Variants in LIG1 observed in about 807,000 individuals in gnomAD.
LIG1 encodes the protein DNA ligase 1.
LIG1 carries 70 observed loss-of-function variants against 115.7 expected under a neutral mutation model. That is an observed-to-expected ratio of 0.60 (90% confidence interval 0.50 to 0.74). LIG1 has a LOEUF of 0.74. Among genes scored for constraint, LIG1 ranks in the 30% least tolerant of loss-of-function variants. LIG1 has a pLI of 0.00. For missense variants in LIG1, 1,115 were observed against 1,225.6 expected, an observed-to-expected ratio of 0.91 and a Z score of 1.35; for synonymous variants, 487 against 495.3, an observed-to-expected ratio of 0.98 and a Z score of 0.22.
chr19:48,154,055 G>A, intron 5 of LIG1, 88 bp from the exon 6 acceptor site: 2 of 1,085,674 alleles, frequency 1.8e-6, no homozygotes, highest in Non-Finnish European at 2.8e-6. Context: ...TGTAGCCTCT[G>A]GAAGGCTCTG....
intron 9 of LIG1, among the ~76,000 whole-genome samples, chr19:48,146,537 G>A (rs190656): frequency 0.021 from 3,145 of 152,168 alleles, 120 homozygotes; most frequent in African/African-American, 0.071. Context: ...AAAAGTAGCC[G>A]GGCATGGTGG....
intron 24 of LIG1, chr19:48,120,196 CCA>C: frequency 1.3e-5 from 13 of 985,456 alleles, no homozygotes; most frequent in Non-Finnish European, 1.6e-5. Context: ...AACAACTTCC[CCA>C]CACAGCCACG....
intron 3 of LIG1, 111 bp downstream of exon 3, chr19:48,162,151 A>T: frequency 9.8e-7 from 1 of 1,021,974 alleles, no homozygotes; most frequent in East Asian, 2.4e-5. Flanking sequence ...CACCTGGCTG[A>T]AAAAGTTTTT....
chr19:48,158,679 G>A lies in LIG1; in HGVS notation c.244-1539C>T, dbSNP rs144179592. 5.3e-4 allele frequency among the ~76,000 whole-genome samples: 81 copies of A among 152,366 alleles called. 1 individual carries two copies. Among genetic ancestry groups the A allele is most frequent in the South Asian group, 4.6e-3 (22 of 4,830 alleles). The stretch of plus-strand genomic sequence containing the variant: ...GCACTGCATGACTGGAGGCACAGCC[G>A]GCTTGCCGGGGGCAGCTGCTGGATC... On this transcript the variant is annotated intron_variant, in intron 4 of 27. Transcript: ENST00000263274.
chr19:48,153,903 G>C lies in LIG1; in HGVS notation c.435C>G (p.Asp145Glu), dbSNP rs777733594. 7 of 1,608,000 alleles carry C rather than the reference G, an allele frequency of 4.4e-6. No individual in the cohort carries two copies. Among genetic ancestry groups the C allele is most frequent in the Non-Finnish European group, 5.9e-6 (7 of 1,177,438 alleles). ...CCTCCTTCTTCCTCTTGGCTTCTCT[G>C]TCCTCGTCCTCACTCTGCTCTTCCA... ...EVLEEQSEDE[D>E]REAKRKKEEE... is the part of the protein sequence containing the mutation. Residue 145 changes from aspartate (D) to glutamate (E), a missense_variant, in exon 6 of 28, where the codon GAC becomes GAG. Physicochemically the swap from Asp to Glu is conservative, Grantham distance 45 (BLOSUM62 2). Coordinates refer to ENST00000263274, the MANE Select transcript of LIG1 (RefSeq NM_000234.3).
intron 11 of LIG1, among the ~76,000 whole-genome samples, chr19:48,142,607 T>C (rs888975781): frequency 2.0e-5 from 3 of 151,938 alleles, no homozygotes; most frequent in Admixed American, 6.6e-5. Context: ...ACGGGTTTGA[T>C]AGTGAAGGCA....
At chr19:48,158,794 G>A (rs537299640) in intron 4 of LIG1, among the ~76,000 whole-genome samples, 2 of 152,310 alleles carry the variant, frequency 1.3e-5, no homozygotes, top group African/African-American at 4.8e-5. Flanking sequence ...CTCCCTTCCT[G>A]AAAGATCAGA....
At chr19:48,116,147 G>A in intron 26 of LIG1, 182 bp from the exon 27 acceptor site, 2 of 625,688 alleles carry the variant, frequency 3.2e-6, no homozygotes, top group Non-Finnish European at 5.8e-6. Flanking sequence ...AAGTGCTCAA[G>A]AAATGCTGCC....
rs182174085 is a variant in LIG1 at position 48,135,573 on chromosome 19, G to A, written c.1523+107C>T. 1,217 of 884,780 alleles carry A rather than the reference G, an allele frequency of 1.4e-3. 4 individuals carry two copies. Among genetic ancestry groups the A allele is most frequent in the Non-Finnish European group, 2.3e-4 (118 of 521,256 alleles). 54.8% of individuals were successfully genotyped at this position (884,780 alleles called of 1,614,324 possible). Reference sequence around the variant, plus strand: ...TCACCCCGTGACCGGCACTCGTGATGCCTGTCCGTCACTTCACTGGCCCCA... The same window carrying A: ...TCACCCCGTGACCGGCACTCGTGATACCTGTCCGTCACTTCACTGGCCCCA... On this transcript the variant is annotated intron_variant, in intron 16 of 27. Transcript: ENST00000263274.
intron 24 of LIG1, 28 bp from the exon 25 acceptor site, chr19:48,119,218 G>C (rs746908771): frequency 5.7e-6 from 9 of 1,567,984 alleles, no homozygotes; most frequent in Non-Finnish European, 7.8e-6. Flanking sequence ...GAGGTCAGAG[G>C]CTCAGCCAGC....
At chr19:48,163,407 G>A (rs1032216907) in intron 2 of LIG1, among the ~76,000 whole-genome samples, 5 of 151,934 alleles carry the variant, frequency 3.3e-5, no homozygotes, top group East Asian at 2.0e-4. Context: ...ATTTAGTAGA[G>A]AAGGGGTTTC....
At chr19:48,127,372 C>T (rs749574863) in intron 20 of LIG1, 24 bp from the exon 21 acceptor site, 4 of 1,607,326 alleles carry the variant, frequency 2.5e-6, no homozygotes, top group African/African-American at 1.3e-5. Context: ...CAACGGAGTT[C>T]GTGAGTGCAG....
chr19:48,151,215 G>C lies in LIG1; in HGVS notation c.574+17C>G. ...TCAGGAGGTGGGGCAGGGCGGAGGA[G>C]AGGACCAGAAACTCACTGGAGGTCT... is the stretch of plus-strand genomic sequence containing the variant. On this transcript the variant is annotated intron_variant, in intron 7 of 27. Transcript: ENST00000263274. 2 of 1,542,040 alleles carry C rather than the reference G, an allele frequency of 1.3e-6. No individual in the cohort carries two copies. The highest frequency in any genetic ancestry group is 2.2e-5 in the South Asian group (2 of 89,688).
Position 48,153,946 on chromosome 19 carries a change from C to A in LIG1, c.392G>T (p.Arg131Leu). 1 of 1,613,714 alleles carries A rather than the reference C, an allele frequency of 6.2e-7. No individual in the cohort carries two copies. The highest frequency in any genetic ancestry group is 1.1e-5 in the South Asian group (1 of 91,024). ...CTCTTCCAGGACTTCCTGAATGGTC[C>A]GTTTCGGGAGCTGCTTCCGAGCTGG... ...RRTARKQLPK[R>L]TIQEVLEEQS... The change falls in exon 6 of 28, where the codon CGG becomes CTG. Residue 131 changes from arginine to leucine, a missense_variant. Arg to Leu is a moderately radical substitution (Grantham distance 102). Transcript: ENST00000263274.
At chr19:48,142,713 G>A (rs3730946) in intron 11 of LIG1, among the ~76,000 whole-genome samples, 70,688 of 151,528 alleles carry the variant, frequency 0.47, 16,763 homozygotes, top group East Asian at 0.75. Flanking sequence ...GCGTGATCTC[G>A]GCTCACTGCA....
Position 48,137,564 on chromosome 19 carries a change from G to A in LIG1, c.1212C>T (p.Val404=). The A allele has an allele frequency of 6.2e-7, 1 of 1,613,462 alleles. No individual in the cohort carries two copies. The highest frequency in any genetic ancestry group is 8.5e-7 in the Non-Finnish European group (1 of 1,180,012). ...TGGCGATGTCGCGGAACTTGCTGAA[G>A]ACCCCGGAGGCAGTGAGCGGAGGTG... The part of the protein sequence containing the change: ...LPPPPLTASG[V]FSKFRDIARL... The change falls in exon 13 of 28, where the codon GTC becomes GTT. Residue 404 remains valine, a synonymous_variant. Coordinates refer to ENST00000263274, the MANE Select transcript of LIG1 (RefSeq NM_000234.3). The surrounding 1 kb of genome is among the most constrained non-coding windows in gnomAD (Gnocchi z 4.3).
intron 26 of LIG1, chr19:48,116,319 G>A (rs934285025): frequency 6.1e-5 from 18 of 293,480 alleles, no homozygotes; most frequent in African/African-American, 3.5e-4. Flanking sequence ...GGTGGCGGGC[G>A]CCTGTAGTCC....
At chr19:48,167,820 C>T (rs866069830) in intron 1 of LIG1, among the ~76,000 whole-genome samples, 2 of 144,700 alleles carry the variant, frequency 1.4e-5, no homozygotes, top group African/African-American at 5.2e-5. Context: ...AGCGAGACCC[C>T]GTCTTAAAAA....
chr19:48,165,558 T>C lies in LIG1; in HGVS notation c.9A>G (p.Arg3=). ...CAAGGGAGGGTGCTCACATGATACT[T>C]CGCTGCATGTTGGCGTCAGAATTCT... MQ[R]SIMSFFHPKK... is the part of the protein sequence containing the mutation. The change falls in exon 2 of 28, where the codon CGA becomes CGG. Residue 3 remains arginine (R), a synonymous_variant. Transcript: ENST00000263274. 6.2e-7 allele frequency: 1 copy of C among 1,612,880 alleles called. No individual in the cohort carries two copies.
Sources: allele counts gnomAD v4.1 joint callset (sites outside exome capture counted in the v4.1 genomes callset), GRCh38; gene constraint gnomAD v4.1.1; non-coding constraint Gnocchi (gnomAD v3.1); transcripts MANE v1.5; gene names NCBI Gene and HGNC (gene_info 2026-07-23, HGNC 2026-07-21).